Variants in TANGO2 observed in about 807,000 individuals in gnomAD.
TANGO2 encodes transport and Golgi organization protein 2 homolog.
In TANGO2, 26 loss-of-function variants were observed where a neutral mutation model predicts 39.1. The ratio of observed to expected loss-of-function variants is 0.67; its 90% CI spans 0.49 to 0.92. TANGO2 has a LOEUF of 0.92. TANGO2 is among the 40% of genes least tolerant of loss of function. The probability of loss-of-function intolerance (pLI) is 0.00; values close to 1 mark genes in which losing one functional copy is unlikely to be tolerated. For missense variants in TANGO2, 326 were observed against 360.1 expected (o/e 0.91, Z 0.77); for synonymous variants, 131 against 144.5 (o/e 0.91, Z 0.67).
chr22:20,055,880 C>G lies in TANGO2; in HGVS notation c.381-63C>G, dbSNP rs535380451. 25 of 1,395,382 alleles carry G rather than the reference C, an allele frequency of 1.8e-5. No homozygotes were observed. In the South Asian group the frequency reaches 2.8e-4, roughly 16 times the overall value. 86.4% of individuals were successfully genotyped at this position (1,395,382 alleles called of 1,614,324 possible). The stretch of plus-strand genomic sequence containing the variant: ...TCCAGAAACAGGGCTGTGAGATCAC[C>G]GGGCAGTGTCGGGGAGGACGCCCTA... On this transcript the variant is annotated intron_variant, in intron 5 of 8. Coordinates refer to ENST00000327374, the MANE Select transcript of TANGO2 (RefSeq NM_152906.7).
At chr22:20,031,572 TC>T (rs1400104689) in intron 1 of TANGO2, among the ~76,000 whole-genome samples, 1 of 152,238 alleles carries the variant, frequency 6.6e-6, no homozygotes, top group Non-Finnish European at 1.5e-5. Context: ...TCTGGGCTCT[TC>T]CATCCCTGTG....
intron 3 of TANGO2, among the ~76,000 whole-genome samples, chr22:20,049,937 G>A (rs556355187): frequency 4.6e-5 from 7 of 152,132 alleles, no homozygotes; most frequent in South Asian, 2.1e-4. Flanking sequence ...GGCTGGGCAC[G>A]GTGGCTCACG....
At chr22:20,039,457 C>T (rs1422910530) in intron 2 of TANGO2, among the ~76,000 whole-genome samples, 1 of 151,256 alleles carries the variant, frequency 6.6e-6, no homozygotes, top group Non-Finnish European at 1.5e-5. Flanking sequence ...GGTGAAACCC[C>T]ATCTCTACTA....
intron 7 of TANGO2, among the ~76,000 whole-genome samples, chr22:20,062,353 C>T (rs2048538567): frequency 6.6e-6 from 1 of 152,174 alleles, no homozygotes; most frequent in South Asian, 2.1e-4. Context: ...GACCACTGCC[C>T]TGCCCAGGTG....
rs978379670 is a variant in TANGO2 at position 20,036,740 on chromosome 22, G to C, written c.-39-20G>C. The stretch of plus-strand genomic sequence containing the variant: ...GAGTGTCTGCCATCCGCTCAACTCA[G>C]TGTTTTCCTTTTCCCGCAGACCTCG... On this transcript the variant is annotated intron_variant, in intron 1 of 8. Coordinates refer to ENST00000327374, the MANE Select transcript of TANGO2 (RefSeq NM_152906.7). 4 of 1,607,276 alleles carry C rather than the reference G, an allele frequency of 2.5e-6. No homozygotes were observed. In the African/African-American group the frequency reaches 5.3e-5, roughly 21 times the overall value.
intron 1 of TANGO2, among the ~76,000 whole-genome samples, chr22:20,025,603 G>A (rs556287776): frequency 6.6e-6 from 1 of 152,100 alleles, no homozygotes; most frequent in Non-Finnish European, 1.5e-5. Context: ...CCTGCCTCCT[G>A]TCCCCATGGG....
intron 1 of TANGO2, among the ~76,000 whole-genome samples, chr22:20,036,305 G>C (rs2042843152): frequency 6.6e-6 from 1 of 152,150 alleles, no homozygotes; most frequent in Non-Finnish European, 1.5e-5. Context: ...AACTGTGCTG[G>C]GTGTGCCTGT....
intron 2 of TANGO2, 76 bp downstream of exon 2, chr22:20,036,930 G>T (rs1453851068): frequency 6.2e-7 from 1 of 1,614,100 alleles, no homozygotes; most frequent in Non-Finnish European, 8.5e-7. Context: ...CACCCAAGCT[G>T]CTGTGTGCAG....
At chr22:20,061,953 C>T (rs2048469190) in intron 7 of TANGO2, among the ~76,000 whole-genome samples, 1 of 152,238 alleles carries the variant, frequency 6.6e-6, no homozygotes, top group African/African-American at 2.4e-5. Flanking sequence ...GATGCAGCCA[C>T]GTGGGGCCCA....
At chr22:20,056,199 T>G (rs1454485467) in intron 6 of TANGO2, 186 bp downstream of exon 6, 2 of 701,214 alleles carry the variant, frequency 2.9e-6, no homozygotes, top group African/African-American at 3.5e-5. Flanking sequence ...CCTGGCTCCC[T>G]GCTCACCCCC....
chr22:20,043,578 C>A (rs980335095), intron 3 of TANGO2, 135 bp downstream of exon 3: 2 of 638,542 alleles, frequency 3.1e-6, no homozygotes, highest in South Asian at 2.1e-5. Flanking sequence ...TGATGGGGCT[C>A]GTGGTCGGGG....
At chr22:20,037,664 T>C (rs960513135) in intron 2 of TANGO2, among the ~76,000 whole-genome samples, 1 of 152,104 alleles carries the variant, frequency 6.6e-6, no homozygotes, top group East Asian at 1.9e-4. Context: ...TTTTCCCTTT[T>C]TGCAGTTGGG....
At chr22:20,036,961 G>A (rs766056040) in intron 2 of TANGO2, 107 bp downstream of exon 2, 31 of 1,611,674 alleles carry the variant, frequency 1.9e-5, no homozygotes, top group Admixed American at 1.0e-4. Context: ...GGGCCAGGAC[G>A]GGGCTGCACA....
At chr22:20,049,696 A>G (rs1341634263) in intron 3 of TANGO2, among the ~76,000 whole-genome samples, 1 of 151,888 alleles carries the variant, frequency 6.6e-6, no homozygotes, top group Non-Finnish European at 1.5e-5. Context: ...AAATCAGGCA[A>G]TGTGGGTCTG....
intron 1 of TANGO2, among the ~76,000 whole-genome samples, chr22:20,033,630 G>A (rs920631488): frequency 6.6e-6 from 1 of 152,232 alleles, no homozygotes; most frequent in African/African-American, 2.4e-5. Context: ...GTAGAGACCA[G>A]CTGGCAGGGC....
chr22:20,023,980 G>A (rs896749358), intron 1 of TANGO2, among the ~76,000 whole-genome samples: 2 of 152,210 alleles, frequency 1.3e-5, no homozygotes, highest in South Asian at 2.1e-4. Flanking sequence ...TCAGGAGTTC[G>A]AGATCAGCCT....
intron 3 of TANGO2, among the ~76,000 whole-genome samples, chr22:20,051,073 C>T (rs967169199): frequency 6.6e-6 from 1 of 150,888 alleles, no homozygotes; most frequent in Non-Finnish European, 1.5e-5. Context: ...GTTGGTCAGG[C>T]TGGTCTTGAA....
chr22:20,046,765 A>G (rs1313686519), intron 3 of TANGO2, among the ~76,000 whole-genome samples: 1 of 152,032 alleles, frequency 6.6e-6, no homozygotes, highest in Non-Finnish European at 1.5e-5. Context: ...CATCATTTAC[A>G]TTGGGTATTT....
intron 1 of TANGO2, among the ~76,000 whole-genome samples, chr22:20,035,221 C>A (rs1323241643): frequency 6.6e-6 from 1 of 152,278 alleles, no homozygotes; most frequent in African/African-American, 2.4e-5. Context: ...ACTTCAACTG[C>A]ACAGCCACCA....
Sources: gnomAD v4.1 joint callset for allele counts (sites outside exome capture counted in the v4.1 genomes callset) on GRCh38, gnomAD v4.1.1 for gene constraint, MANE v1.5 for transcripts, NCBI Gene and HGNC (gene_info 2026-07-23, HGNC 2026-07-21) for gene names.